Variants in LYPLAL1 observed in about 807,000 individuals in gnomAD.
LYPLAL1 encodes lysophospholipase-like protein 1.
LYPLAL1 carries 23 observed loss-of-function variants against 19.7 expected under a neutral mutation model. The observed-to-expected ratio is 1.17, with a 90% CI of 0.84 to 1.65. LYPLAL1 has a LOEUF of 1.65. LYPLAL1 is among the 40% of genes most tolerant of loss of function. The pLI, the probability that LYPLAL1 is intolerant of heterozygous loss-of-function variation, is 0.00. For missense variants in LYPLAL1, 355 were observed against 279.4 expected (o/e 1.27, Z -1.93); for synonymous variants, 119 against 96.3 (o/e 1.24, Z -1.38).
chr1:219,350,405 G>A, the LYPLAL1 span, among the ~76,000 whole-genome samples: 2 of 152,150 alleles, frequency 1.3e-5, no homozygotes, highest in Non-Finnish European at 2.9e-5. Flanking sequence ...TTGGCTGCAG[G>A]GCACATTTGG....
chr1:219,420,221 C>A, the LYPLAL1 span, among the ~76,000 whole-genome samples: 26 of 152,200 alleles, frequency 1.7e-4, no homozygotes, highest in African/African-American at 5.3e-4. Flanking sequence ...AATTTGTTAC[C>A]CCAAAGGCTT....
the LYPLAL1 span, among the ~76,000 whole-genome samples, chr1:219,343,407 A>G: frequency 6.6e-6 from 1 of 152,164 alleles, no homozygotes; most frequent in Admixed American, 6.6e-5. Context: ...TAGAATCTTG[A>G]CCAAATACTA....
the LYPLAL1 span, among the ~76,000 whole-genome samples, chr1:219,268,199 A>C: frequency 6.6e-6 from 1 of 152,064 alleles, no homozygotes; most frequent in Admixed American, 6.6e-5. Flanking sequence ...TACATTATGC[A>C]TTATATTAGG....
chr1:219,393,849 C>A, the LYPLAL1 span, among the ~76,000 whole-genome samples: 1 of 151,208 alleles, frequency 6.6e-6, no homozygotes, highest in Non-Finnish European at 1.5e-5. Context: ...TCACTTTTGG[C>A]TTTTTAAAAT....
intron 2 of LYPLAL1, among the ~76,000 whole-genome samples, chr1:219,187,681 T>A (rs1656836472): frequency 6.6e-6 from 1 of 151,768 alleles, no homozygotes; most frequent in Non-Finnish European, 1.5e-5. Context: ...TGTTTGTATT[T>A]TTCAGTAAAT....
chr1:219,241,691 A>T, the LYPLAL1 span, among the ~76,000 whole-genome samples: 3 of 152,218 alleles, frequency 2.0e-5, no homozygotes, highest in Non-Finnish European at 4.4e-5. Flanking sequence ...TAAAAATCTG[A>T]AATTATTACT....
chr1:219,247,536 T>C, the LYPLAL1 span, among the ~76,000 whole-genome samples: 1 of 152,192 alleles, frequency 6.6e-6, no homozygotes, highest in Non-Finnish European at 1.5e-5. Context: ...CAGCTCAAGA[T>C]GTAGTTAGAG....
the LYPLAL1 span, among the ~76,000 whole-genome samples, chr1:219,309,697 T>G: frequency 6.6e-6 from 1 of 152,204 alleles, no homozygotes; most frequent in South Asian, 2.1e-4. Flanking sequence ...AAATGCCTTT[T>G]GCCTTCTGCC....
chr1:219,296,511 A>C, the LYPLAL1 span, among the ~76,000 whole-genome samples: 1 of 152,108 alleles, frequency 6.6e-6, no homozygotes, highest in Non-Finnish European at 1.5e-5. Context: ...CTGCAGAGGG[A>C]ATTATCCATC....
the LYPLAL1 span, chr1:219,411,780 C>T: frequency 6.1e-6 from 1 of 163,102 alleles, no homozygotes; most frequent in Non-Finnish European, 1.3e-5. Context: ...AAGGAAGAAA[C>T]TCCGAACACA....
chr1:219,177,507 G>A (rs2125017940), intron 1 of LYPLAL1, among the ~76,000 whole-genome samples: 1 of 152,208 alleles, frequency 6.6e-6, no homozygotes, highest in African/African-American at 2.4e-5. Context: ...TTACAAAGAG[G>A]CACCTCACAC....
chr1:219,307,243 TG>T, the LYPLAL1 span, among the ~76,000 whole-genome samples: 3 of 152,144 alleles, frequency 2.0e-5, no homozygotes, highest in Non-Finnish European at 2.9e-5. Context: ...GTCTTGCTTG[TG>T]ACTGAGTCTT....
the LYPLAL1 span, among the ~76,000 whole-genome samples, chr1:219,257,965 G>T: frequency 1.4e-4 from 22 of 151,990 alleles, no homozygotes; most frequent in South Asian, 4.6e-3. Flanking sequence ...CTTCCCCAGG[G>T]TGTTAATTAT....
the LYPLAL1 span, among the ~76,000 whole-genome samples, chr1:219,220,353 C>CT: frequency 1.3e-5 from 2 of 150,918 alleles, no homozygotes; most frequent in East Asian, 1.9e-4. Context: ...TATCCTGCCT[C>CT]TTTTTTACTA....
At chr1:219,312,663 A>C in the LYPLAL1 span, among the ~76,000 whole-genome samples, 1 of 152,150 alleles carries the variant, frequency 6.6e-6, no homozygotes, top group African/African-American at 2.4e-5. Flanking sequence ...CTTCTAAAGC[A>C]TTTTTGTGGG....
chr1:219,412,730 G>GA, the LYPLAL1 span, among the ~76,000 whole-genome samples: 1 of 152,210 alleles, frequency 6.6e-6, no homozygotes, highest in Non-Finnish European at 1.5e-5. Context: ...ATGGTGATAT[G>GA]AAATGAGAAG....
chr1:219,199,087 A>C (rs1206520652), intron 3 of LYPLAL1, among the ~76,000 whole-genome samples: 1 of 152,180 alleles, frequency 6.6e-6, no homozygotes, highest in Non-Finnish European at 1.5e-5. Flanking sequence ...GCGTACTCCA[A>C]AGTATGGTCA....
the LYPLAL1 span, among the ~76,000 whole-genome samples, chr1:219,422,754 C>A: frequency 1.3e-5 from 2 of 152,110 alleles, no homozygotes; most frequent in Non-Finnish European, 2.9e-5. Flanking sequence ...GGGGAGCAGG[C>A]TTTTAACTAT....
the LYPLAL1 span, among the ~76,000 whole-genome samples, chr1:219,270,620 G>A: frequency 3.3e-5 from 5 of 152,280 alleles, no homozygotes; most frequent in East Asian, 7.7e-4. Context: ...AGATGGAGTC[G>A]CTGTGCTGAA....
Sources: gnomAD v4.1 joint callset for allele counts (sites outside exome capture counted in the v4.1 genomes callset) on GRCh38, gnomAD v4.1.1 for gene constraint, MANE v1.5 for transcripts, NCBI Gene and HGNC (gene_info 2026-07-23, HGNC 2026-07-21) for gene names.